The following CCNY variants were observed in gnomAD, a reference collection of about 807,000 sequenced individuals.
CCNY encodes the protein cyclin-Y.
Under a neutral mutation model 42.8 loss-of-function variants are expected in CCNY, and 19 were observed. The ratio of observed to expected loss-of-function variants is 0.44; its 90% CI spans 0.31 to 0.65. CCNY has a LOEUF of 0.65. Ranked by LOEUF, CCNY falls within the 30% of genes least tolerant of loss-of-function variation. The pLI, the probability that CCNY is intolerant of heterozygous loss-of-function variation, is 0.07. For missense variants in CCNY, 370 were observed against 437.3 expected, an observed-to-expected ratio of 0.85 and a Z score of 1.37; for synonymous variants, 165 against 162.7, an observed-to-expected ratio of 1.01 and a Z score of -0.11.
chr10:35,556,151 G>A lies in CCNY; in HGVS notation c.746+2966G>A, dbSNP rs187433785. On this transcript the variant is annotated intron_variant, in intron 8 of 9. Coordinates refer to ENST00000374704, the MANE Select transcript of CCNY (RefSeq NM_145012.6). The stretch of plus-strand genomic sequence containing the variant: ...TGGCTGAACCTTAGTGACTCATGCA[G>A]CATTTGATCAGTGCCCCACATGCCT... 3.0e-3 allele frequency among the ~76,000 whole-genome samples: 456 copies of A among 152,300 alleles called. 1 individual carries two copies. Among genetic ancestry groups the A allele is most frequent in the Non-Finnish European group, 4.8e-3 (326 of 68,024 alleles).
At chr10:35,354,003 G>A (rs970772927) in intron 1 of CCNY, among the ~76,000 whole-genome samples, 3 of 152,118 alleles carry the variant, frequency 2.0e-5, no homozygotes, top group African/African-American at 7.2e-5. Context: ...TAGGGGAACT[G>A]CCTCCAGGCT....
chr10:35,442,083 A>G (rs1838682151), intron 1 of CCNY, among the ~76,000 whole-genome samples: 2 of 152,234 alleles, frequency 1.3e-5, no homozygotes, highest in Admixed American at 6.5e-5. Flanking sequence ...TAGTAAAGCA[A>G]TAGTGAAAGT....
intron 3 of CCNY, among the ~76,000 whole-genome samples, chr10:35,292,781 G>GTTTTTTTTTTTT (rs71033391): frequency 4.6e-5 from 5 of 108,790 alleles, no homozygotes; most frequent in Non-Finnish European, 9.5e-5. Context: ...CTTTGTTTTT[G>GTTTTTTTTTTTT]TTTTTTTTTT....
intron 1 of CCNY, among the ~76,000 whole-genome samples, chr10:35,462,268 A>T (rs939288322): frequency 6.6e-6 from 1 of 152,212 alleles, no homozygotes; most frequent in Non-Finnish European, 1.5e-5. Flanking sequence ...GCTCGTTTTG[A>T]TGCCTCTTTA....
chr10:35,571,478 A>G lies in CCNY; in HGVS notation c.*2308A>G, dbSNP rs1464279092. The G allele has an allele frequency of 2.0e-5, 3 of 152,362 alleles. No individual in the cohort carries two copies. Among genetic ancestry groups the G allele is most frequent in the East Asian group, 3.7e-4 (2 of 5,342 alleles). 9.4% of individuals were successfully genotyped at this position (152,362 alleles called of 1,614,324 possible). A position where few individuals can be genotyped will look rare whatever the true frequency, so the allele number is the denominator to read the frequency against. On this transcript the variant is annotated 3_prime_UTR_variant, in exon 10 of 10. Coordinates refer to ENST00000374704, the MANE Select transcript of CCNY (RefSeq NM_145012.6). Reference sequence around the variant, plus strand: ...CTACCTCTGTATAGGAAAATTTTCCATATTCATTAATTAGTGTTGATCTGT... The same window carrying G: ...CTACCTCTGTATAGGAAAATTTTCCGTATTCATTAATTAGTGTTGATCTGT...
chr10:35,379,164 A>G (rs1837121471), intron 1 of CCNY, among the ~76,000 whole-genome samples: 1 of 152,228 alleles, frequency 6.6e-6, no homozygotes, highest in African/African-American at 2.4e-5. Context: ...TTATTCACAT[A>G]GTAAAGCTTT....
chr10:35,251,061 C>T (rs1180068139), intron 3 of CCNY: 1 of 152,120 alleles, frequency 6.6e-6, no homozygotes, highest in Non-Finnish European at 1.5e-5. Flanking sequence ...TAACTGGATG[C>T]TTATAAGGAA....
At chr10:35,547,252 T>G (rs1455760930) in intron 7 of CCNY, among the ~76,000 whole-genome samples, 2 of 152,194 alleles carry the variant, frequency 1.3e-5, no homozygotes, top group Non-Finnish European at 2.9e-5. Flanking sequence ...CTGTTCAAAC[T>G]TAATATAATA....
At chr10:35,552,326 T>C (rs1167602022) in intron 7 of CCNY, among the ~76,000 whole-genome samples, 7 of 152,218 alleles carry the variant, frequency 4.6e-5, no homozygotes, top group African/African-American at 1.7e-4. Context: ...GTCAGATTCA[T>C]AGAGAATGGT....
At chr10:35,311,921 G>A (rs985683396) in intron 3 of CCNY, among the ~76,000 whole-genome samples, 2 of 152,038 alleles carry the variant, frequency 1.3e-5, no homozygotes, top group African/African-American at 4.8e-5. Context: ...AGGAGTTTGT[G>A]GCCACAGTGA....
intron 1 of CCNY, among the ~76,000 whole-genome samples, chr10:35,406,092 A>T (rs1247209587): frequency 6.6e-6 from 1 of 151,808 alleles, no homozygotes; most frequent in African/African-American, 2.4e-5. Flanking sequence ...CTTGGCTGCC[A>T]TTACTCTATT....
At chr10:35,389,671 T>C (rs969027429) in intron 1 of CCNY, among the ~76,000 whole-genome samples, 4 of 152,046 alleles carry the variant, frequency 2.6e-5, no homozygotes, top group Admixed American at 2.6e-4. Context: ...ACCCCTGACC[T>C]TGTGATCCGC....
At chr10:35,492,500 A>G (rs538528248) in intron 2 of CCNY, among the ~76,000 whole-genome samples, 4 of 152,312 alleles carry the variant, frequency 2.6e-5, no homozygotes, top group African/African-American at 9.6e-5. Flanking sequence ...GTAATGGTTT[A>G]TCAGAAAATC....
intron 7 of CCNY, among the ~76,000 whole-genome samples, chr10:35,550,761 A>C (rs965662038): frequency 6.6e-6 from 1 of 152,080 alleles, no homozygotes; most frequent in African/African-American, 2.4e-5. Flanking sequence ...AGCACCACAT[A>C]CCAGGTTTTA....
rs1375283459 is a variant in CCNY at position 35,560,219 on chromosome 10, G to T, written c.747-5804G>T. Among the ~76,000 whole-genome samples, 6 of 152,166 alleles carry T rather than the reference G, an allele frequency of 3.9e-5. No homozygotes were observed. The South Asian group carries it at 1.2e-3, about 31-fold the overall frequency. On this transcript the variant is annotated intron_variant, in intron 8 of 9. Coordinates refer to ENST00000374704, the MANE Select transcript of CCNY (RefSeq NM_145012.6). The stretch of plus-strand genomic sequence containing the variant: ...AGGACTTTGGGGCTGTTAGGATGAG[G>T]TGAGTGTGTTCTGCATGTAAGATGG...
At chr10:35,388,886 C>T (rs1045237068) in intron 1 of CCNY, among the ~76,000 whole-genome samples, 1 of 152,130 alleles carries the variant, frequency 6.6e-6, no homozygotes, top group African/African-American at 2.4e-5. Flanking sequence ...GCTCATGGCC[C>T]CCTCCTGTTT....
intron 4 of CCNY, among the ~76,000 whole-genome samples, chr10:35,525,219 C>T (rs1840628598): frequency 6.6e-6 from 1 of 152,056 alleles, no homozygotes; most frequent in South Asian, 2.1e-4. Flanking sequence ...AACCTGACTC[C>T]TTACACACAT....
At chr10:35,258,146 G>T (rs1589002563) in intron 3 of CCNY, among the ~76,000 whole-genome samples, 1 of 152,316 alleles carries the variant, frequency 6.6e-6, no homozygotes, top group East Asian at 1.9e-4. Context: ...GGGCGACAGA[G>T]TGAGACTCTG....
intron 7 of CCNY, among the ~76,000 whole-genome samples, chr10:35,543,316 C>G (rs1001265893): frequency 3.3e-5 from 5 of 152,104 alleles, no homozygotes; most frequent in African/African-American, 9.7e-5. Flanking sequence ...GCCCATGGGT[C>G]GAAGTCTGAA....
Sources: allele counts gnomAD v4.1 joint callset (sites outside exome capture counted in the v4.1 genomes callset), GRCh38; gene constraint gnomAD v4.1.1; transcripts MANE v1.5; gene names NCBI Gene and HGNC (gene_info 2026-07-23, HGNC 2026-07-21).